The following CCDC192 variants were observed in gnomAD, a reference collection of about 807,000 sequenced individuals.
CCDC192 encodes coiled-coil domain-containing protein 192.
chr5:127,890,290 T>A (rs1752695783), intron 6 of CCDC192, among the ~76,000 whole-genome samples: 1 of 152,006 alleles, frequency 6.6e-6, no homozygotes, highest in African/African-American at 2.4e-5. Context: ...AATGGGAGGA[T>A]CACTTGAGCC....
chr5:127,875,726 G>C (rs538878251), intron 6 of CCDC192, 65 bp downstream of exon 6: 1 of 397,360 alleles, frequency 2.5e-6, no homozygotes, highest in Non-Finnish European at 4.4e-6. Context: ...TAGTTGTATT[G>C]GCAACGAAGC....
At chr5:127,940,409 T>A (rs1001388055) in intron 6 of CCDC192, 1 of 152,070 alleles carries the variant, frequency 6.6e-6, no homozygotes, top group African/African-American at 2.4e-5. Flanking sequence ...TCATTATCAC[T>A]TTCCCCAGAA....
At position 127,878,583 on chromosome 5, in the gene CCDC192, G is replaced by A. The variant is rs549702891; in HGVS notation, c.535+2922G>A. On this transcript the variant is annotated intron_variant, in intron 6 of 6. Coordinates refer to ENST00000514853, the MANE Select transcript of CCDC192 (RefSeq NM_001317938.2). Reference sequence around the variant, plus strand: ...AGGCATGAGAATTGCTTGAACCTGGGAGGCAGAGGTTGCAGTGAGCTGAGA... The same window carrying A: ...AGGCATGAGAATTGCTTGAACCTGGAAGGCAGAGGTTGCAGTGAGCTGAGA... Among the ~76,000 whole-genome samples, 9 of 152,318 alleles carry A rather than the reference G, an allele frequency of 5.9e-5. No homozygotes were observed. The South Asian group carries it at 1.9e-3, about 32-fold the overall frequency.
intron 6 of CCDC192, among the ~76,000 whole-genome samples, chr5:127,891,145 G>A (rs544200618): frequency 3.7e-4 from 57 of 152,226 alleles, no homozygotes; most frequent in African/African-American, 1.3e-3. Context: ...TCAGCCTCCC[G>A]GGTTCAAGCA....
chr5:127,786,782 G>A (rs1756564355), intron 3 of CCDC192: 2 of 625,678 alleles, frequency 3.2e-6, no homozygotes, highest in East Asian at 5.6e-5. Flanking sequence ...TAAGTTGTTT[G>A]TATAATTCCA....
intron 3 of CCDC192, among the ~76,000 whole-genome samples, chr5:127,767,588 A>G (rs937587054): frequency 7.9e-5 from 12 of 152,132 alleles, no homozygotes; most frequent in Admixed American, 3.9e-4. Context: ...ATCCGAGTCA[A>G]TGATTGATCA....
rs186070659 is a variant in CCDC192 at position 127,835,013 on chromosome 5, T to C, written c.411+36851T>C. ...AAACATTTTCTTTCTCTTCAGCCAG[T>C]CTATCAACTGTCTCAGAAAGCATAT... On this transcript the variant is annotated intron_variant, in intron 5 of 6. Coordinates refer to ENST00000514853, the MANE Select transcript of CCDC192 (RefSeq NM_001317938.2). Among the ~76,000 whole-genome samples, 9 of 152,286 alleles carry C rather than the reference T, an allele frequency of 5.9e-5. No homozygotes were observed. The East Asian group carries it at 1.5e-3, about 26-fold the overall frequency.
chr5:127,817,648 G>A (rs1749084641), intron 5 of CCDC192, among the ~76,000 whole-genome samples: 1 of 152,154 alleles, frequency 6.6e-6, no homozygotes, highest in Non-Finnish European at 1.5e-5. Context: ...GACTGCTAAT[G>A]GATATGAATT....
At chr5:127,725,491 C>A (rs542057317) in intron 2 of CCDC192, among the ~76,000 whole-genome samples, 40 of 152,206 alleles carry the variant, frequency 2.6e-4, no homozygotes, top group African/African-American at 8.9e-4. Context: ...TTTGCATATT[C>A]AAAGTATTAT....
intron 2 of CCDC192, among the ~76,000 whole-genome samples, chr5:127,719,534 CATATATATAT>C (rs1158638020): frequency 1.4e-4 from 6 of 42,272 alleles, no homozygotes; most frequent in South Asian, 6.6e-4. Context: ...TACACACATA[CATATATATAT>C]ATATATATAT....
At chr5:127,734,390 T>G (rs981605376) in intron 2 of CCDC192, among the ~76,000 whole-genome samples, 13 of 151,842 alleles carry the variant, frequency 8.6e-5, no homozygotes, top group African/African-American at 2.9e-4. Flanking sequence ...TAAACATACG[T>G]GTGCATGTGT....
intron 2 of CCDC192, among the ~76,000 whole-genome samples, chr5:127,729,946 T>A (rs1329147282): frequency 6.6e-6 from 1 of 151,772 alleles, no homozygotes; most frequent in African/African-American, 2.4e-5. Context: ...GACATCGTAA[T>A]ACACAAATAA....
intron 5 of CCDC192, among the ~76,000 whole-genome samples, chr5:127,859,348 CA>C (rs1751256770): frequency 6.6e-6 from 1 of 152,142 alleles, no homozygotes; most frequent in Admixed American, 6.6e-5. Flanking sequence ...TGGTCAGACA[CA>C]GGAATCTGTA....
chr5:127,723,544 C>G (rs1752144655), intron 2 of CCDC192, among the ~76,000 whole-genome samples: 3 of 152,180 alleles, frequency 2.0e-5, no homozygotes, highest in African/African-American at 7.2e-5. Flanking sequence ...ATCAGTCTGA[C>G]TTTGAAAGCA....
intron 5 of CCDC192, among the ~76,000 whole-genome samples, chr5:127,802,127 C>G (rs1757536736): frequency 6.6e-6 from 1 of 152,208 alleles, no homozygotes; most frequent in South Asian, 2.1e-4. Flanking sequence ...GCTCAATACA[C>G]TACACTTTGT....
intron 2 of CCDC192, among the ~76,000 whole-genome samples, chr5:127,722,138 C>T (rs559654556): frequency 6.6e-6 from 1 of 152,152 alleles, no homozygotes; most frequent in African/African-American, 2.4e-5. Context: ...CATTGCCTGT[C>T]TTTTGGATAA....
At chr5:127,719,511 A>C (rs1195805639) in intron 2 of CCDC192, among the ~76,000 whole-genome samples, 5 of 50,614 alleles carry the variant, frequency 9.9e-5, no homozygotes, top group African/African-American at 3.1e-4. Flanking sequence ...ACATACATAT[A>C]TATATATATA....
At chr5:127,858,925 T>G (rs1561526683) in intron 5 of CCDC192, among the ~76,000 whole-genome samples, 1 of 133,942 alleles carries the variant, frequency 7.5e-6, no homozygotes, top group Non-Finnish European at 1.7e-5. Flanking sequence ...ATTTGACACT[T>G]TTGTGTGCTT....
intron 5 of CCDC192, among the ~76,000 whole-genome samples, chr5:127,854,491 T>C (rs1302251736): frequency 6.6e-6 from 1 of 152,156 alleles, no homozygotes; most frequent in Non-Finnish European, 1.5e-5. Flanking sequence ...GTGCCTAATT[T>C]ATAAGTAAAA....
Sources: allele counts gnomAD v4.1 joint callset (sites outside exome capture counted in the v4.1 genomes callset), GRCh38; gene constraint gnomAD v4.1.1; transcripts MANE v1.5; gene names NCBI Gene and HGNC (gene_info 2026-07-23, HGNC 2026-07-21).